RBM19: variants seen among roughly 807,000 people sequenced by gnomAD.
RBM19 encodes probable RNA-binding protein 19.
Under a neutral mutation model 116.8 loss-of-function variants are expected in RBM19, and 94 were observed. The observed-to-expected ratio is 0.80, with a 90% CI of 0.68 to 0.95. The LOEUF (loss-of-function observed/expected upper bound fraction) is 0.95, where lower values mean the gene tolerates loss of function less well. Ranked by LOEUF, RBM19 falls within the 40% of genes least tolerant of loss-of-function variation. The pLI is 0.00. For synonymous variants in RBM19, 475 were observed against 494.1 expected (o/e 0.96, Z 0.51); for missense variants, 1,161 against 1,220.7 (o/e 0.95, Z 0.73).
chr12:113,823,764 A>G (rs1344722400), intron 23 of RBM19, among the ~76,000 whole-genome samples: 1 of 152,178 alleles, frequency 6.6e-6, no homozygotes, highest in African/African-American at 2.4e-5. Context: ...AGCAGGTCAG[A>G]GCTTGGCTTG....
At chr12:113,904,734 C>T (rs761865133) in intron 21 of RBM19, among the ~76,000 whole-genome samples, 15 of 152,162 alleles carry the variant, frequency 9.9e-5, no homozygotes, top group Non-Finnish European at 1.3e-4. Context: ...CTTGGCATCA[C>T]GACTGTGGCC....
Position 113,850,493 on chromosome 12 carries a change from TG to T in RBM19, c.2665-5706del, listed in dbSNP as rs113202731. Among the ~76,000 whole-genome samples, 845 of 152,298 alleles carry T rather than the reference TG, an allele frequency of 5.5e-3. 11 individuals are homozygous for T. The highest frequency in any genetic ancestry group is 0.019 in the African/African-American group (793 of 41,568). On this transcript the variant is annotated intron_variant, in intron 22 of 23. Coordinates refer to ENST00000261741, the MANE Select transcript of RBM19 (RefSeq NM_016196.4). ...CTTAGAAGGCAATCTGCTAAGGTGG[TG>T]TGGGGTTGACAGCTGCAGGCTAGAC...
intron 22 of RBM19, among the ~76,000 whole-genome samples, chr12:113,856,313 TG>T (rs1474753235): frequency 6.6e-6 from 1 of 152,232 alleles, no homozygotes; most frequent in African/African-American, 2.4e-5. Context: ...GCGAGCCACC[TG>T]GGCACTTGGT....
chr12:113,907,175 T>C (rs1882112412), intron 21 of RBM19, among the ~76,000 whole-genome samples: 1 of 152,186 alleles, frequency 6.6e-6, no homozygotes, highest in African/African-American at 2.4e-5. Context: ...CCACAGAAAC[T>C]GGTACTGGTC....
At chr12:113,939,289 G>A (rs1424190258) in intron 15 of RBM19, among the ~76,000 whole-genome samples, 2 of 152,086 alleles carry the variant, frequency 1.3e-5, no homozygotes, top group Non-Finnish European at 2.9e-5. Flanking sequence ...CTGGGTGGCA[G>A]AGCGAGACCC....
In RBM19 at chr12:113,823,185, C is replaced by T; in HGVS notation, c.*39G>A. 1.9e-6 allele frequency: 3 copies of T among 1,576,012 alleles called. No homozygotes were observed. The African/African-American group carries it at 4.0e-5, about 21-fold the overall frequency. On this transcript the variant is annotated 3_prime_UTR_variant, in exon 24 of 24. Transcript: ENST00000261741. ...CAGAAGCTGGAGCGGCTGTCCCGGT[C>T]CCCAGGGCCCCGGAGCCACACACCC...
chr12:113,868,402 TC>T (rs1421078587), intron 21 of RBM19, among the ~76,000 whole-genome samples: 9 of 152,222 alleles, frequency 5.9e-5, no homozygotes, highest in African/African-American at 2.2e-4. Flanking sequence ...GTTTTAAAAA[TC>T]AGAGATAACT....
At chr12:113,950,733 G>A (rs1871397548) in intron 8 of RBM19, among the ~76,000 whole-genome samples, 2 of 152,146 alleles carry the variant, frequency 1.3e-5, no homozygotes, top group African/African-American at 2.4e-5. Context: ...AGGGGCACTC[G>A]GCTAATAGCT....
chr12:113,919,519 C>T (rs557259021), intron 19 of RBM19, among the ~76,000 whole-genome samples: 6 of 152,256 alleles, frequency 3.9e-5, no homozygotes, highest in South Asian at 4.1e-4. Flanking sequence ...TGCAGTGAGC[C>T]GAGATCGCGC....
chr12:113,945,880 GC>G lies in RBM19; in HGVS notation c.1573del (p.Ala525ProfsTer44). The G allele has an allele frequency of 6.3e-7, 1 of 1,594,976 alleles. No homozygotes were observed. The highest frequency in any genetic ancestry group is 8.6e-7 in the Non-Finnish European group (1 of 1,162,568). ...GTTGTACTTCTGTGCGATGGCATCGGCCACGGCATTCGGCCCCATGAATAGT... is the reference window on the plus strand; with the variant it reads ...GTTGTACTTCTGTGCGATGGCATCGGCACGGCATTCGGCCCCATGAATAGT... The part of the protein sequence containing the change: ...NTLFMGPNAV[A>X]DAIAQKYNAT... On this transcript the variant is annotated frameshift_variant, in exon 13 of 24. Coordinates refer to ENST00000261741, the MANE Select transcript of RBM19 (RefSeq NM_016196.4). LOFTEE classifies it high-confidence loss of function.
rs1015050204 is a variant in RBM19 at position 113,942,428 on chromosome 12, T to C, written c.1633A>G (p.Lys545Glu). 6 of 1,604,488 alleles carry C rather than the reference T, an allele frequency of 3.7e-6. No individual in the cohort carries two copies. In the African/African-American group the frequency reaches 8.0e-5, roughly 21 times the overall value. The change falls in exon 14 of 24, where the codon AAG becomes GAG. Residue 545 changes from lysine (K) to glutamate (E), a missense_variant. By Grantham distance (56) the Lys-to-Glu change is moderately conservative (BLOSUM62 1). Transcript: ENST00000261741. Reference sequence around the variant, plus strand: ...GCCACGCGCACGGCCACGCTGCCCTTGGTCTCCTGTGGAAGAGGAAAGGAA... The same window carrying C: ...GCCACGCGCACGGCCACGCTGCCCTCGGTCTCCTGTGGAAGAGGAAAGGAA... The part of the protein sequence containing the change: ...TKSQVFDHET[K>E]GSVAVRVALG...
chr12:113,953,762 G>T (rs573671830), intron 7 of RBM19, among the ~76,000 whole-genome samples: 1 of 152,370 alleles, frequency 6.6e-6, no homozygotes, highest in Non-Finnish European at 1.5e-5. Flanking sequence ...TTTATCTGGA[G>T]CAAAGATCAG....
intron 20 of RBM19, among the ~76,000 whole-genome samples, chr12:113,915,623 G>C: frequency 6.6e-6 from 1 of 152,154 alleles, no homozygotes; most frequent in East Asian, 1.9e-4. Context: ...CACCAAAACA[G>C]GGTAGGGAAG....
intron 22 of RBM19, among the ~76,000 whole-genome samples, chr12:113,852,224 G>A (rs575060104): frequency 5.3e-5 from 8 of 152,138 alleles, no homozygotes; most frequent in Admixed American, 3.9e-4. Flanking sequence ...TCCTCAGTCC[G>A]CACAGAAGCT....
chr12:113,872,566 A>G (rs1281822902), intron 21 of RBM19, among the ~76,000 whole-genome samples: 3 of 58,716 alleles, frequency 5.1e-5, no homozygotes, highest in African/African-American at 5.3e-5. Context: ...TCCGGGAGGG[A>G]GGTGGGGGGG....
Position 113,835,173 on chromosome 12 carries a change from CTG to C in RBM19, c.2785+9493_2785+9494del, listed in dbSNP as rs374784435. On this transcript the variant is annotated intron_variant, in intron 23 of 23. Transcript: ENST00000261741. Reference sequence around the variant, plus strand: ...CCCGGCTTCCTTCCTTGTGGGGTGACTGTGAAGATGAACTGAGTTAACGCTCA... The same window carrying C: ...CCCGGCTTCCTTCCTTGTGGGGTGACTGAAGATGAACTGAGTTAACGCTCA... 1.6e-4 allele frequency among the ~76,000 whole-genome samples: 24 copies of C among 152,282 alleles called. No individual in the cohort carries two copies. The East Asian group carries it at 2.7e-3, about 17-fold the overall frequency.
chr12:113,819,306 C>A (rs549631694), downstream of RBM19, among the ~76,000 whole-genome samples: 15 of 152,174 alleles, frequency 9.9e-5, no homozygotes, highest in African/African-American at 3.4e-4. Flanking sequence ...GACCTCCCAC[C>A]TCCCTGTGTC....
intron 22 of RBM19, among the ~76,000 whole-genome samples, chr12:113,847,191 T>C (rs567172024): frequency 1.3e-5 from 2 of 152,272 alleles, no homozygotes; most frequent in South Asian, 4.1e-4. Context: ...ATAATACACA[T>C]TCAATAAACA....
intron 23 of RBM19, among the ~76,000 whole-genome samples, chr12:113,836,787 T>C (rs1171049117): frequency 6.6e-6 from 1 of 151,762 alleles, no homozygotes; most frequent in Admixed American, 6.6e-5. Flanking sequence ...GCAATGCTTA[T>C]GTGTCAGGCA....
Sources: allele counts gnomAD v4.1 joint callset (sites outside exome capture counted in the v4.1 genomes callset), GRCh38; gene constraint gnomAD v4.1.1; transcripts MANE v1.5; gene names NCBI Gene and HGNC (gene_info 2026-07-23, HGNC 2026-07-21).